The following MYLK variants were observed in gnomAD, a reference collection of about 807,000 sequenced individuals.
MYLK encodes the protein myosin light chain kinase.
MYLK carries 106 observed loss-of-function variants against 203.4 expected under a neutral mutation model. The observed-to-expected ratio is 0.52, with a 90% CI of 0.45 to 0.61. The LOEUF is 0.61. Among genes scored for constraint, MYLK ranks in the 20% least tolerant of loss-of-function variants. MYLK has a pLI of 0.00. For synonymous variants in MYLK, 867 were observed against 959.5 expected (o/e 0.90, Z 1.78); for missense variants, 2,072 against 2,442.3 (o/e 0.85, Z 3.20).
rs1052422934 is a variant in MYLK at position 123,657,211 on chromosome 3, C to T, written c.4203G>A (p.Lys1401=). 7 of 1,614,084 alleles carry T rather than the reference C, an allele frequency of 4.3e-6. No individual in the cohort carries two copies. The African/African-American group carries it at 9.3e-5, about 22-fold the overall frequency. The change falls in exon 24 of 34, where the codon AAG becomes AAA. Residue 1401 remains lysine (K), a synonymous_variant. Transcript: ENST00000360304. The part of the protein sequence containing the change: ...VQDLLPDHEY[K]FRVRAINVYG... Reference sequence around the variant, plus strand: ...ACACGTTGATTGCACGTACACGGAACTTATATTCGTGGTCAGGCAGCAGGT... The same window carrying T: ...ACACGTTGATTGCACGTACACGGAATTTATATTCGTGGTCAGGCAGCAGGT...
At chr3:123,662,538 A>G (rs930351386) in intron 23 of MYLK, among the ~76,000 whole-genome samples, 2 of 152,202 alleles carry the variant, frequency 1.3e-5, no homozygotes, top group Non-Finnish European at 2.9e-5. Flanking sequence ...ATGTCAGAGA[A>G]TAGAGTTGGG....
intron 20 of MYLK, among the ~76,000 whole-genome samples, chr3:123,679,376 G>A (rs1411177203): frequency 2.6e-5 from 4 of 151,800 alleles, no homozygotes; most frequent in Non-Finnish European, 5.9e-5. Context: ...CTTCTCAGGA[G>A]CTTCTCAGGA....
intron 3 of MYLK, among the ~76,000 whole-genome samples, chr3:123,800,727 C>T (rs1362019128): frequency 3.3e-5 from 5 of 152,106 alleles, no homozygotes; most frequent in Admixed American, 6.6e-5. Flanking sequence ...TGTGGACATC[C>T]GAATCGGCAA....
intron 4 of MYLK, among the ~76,000 whole-genome samples, chr3:123,754,760 G>T (rs144147923): frequency 6.6e-6 from 1 of 152,202 alleles, no homozygotes; most frequent in Non-Finnish European, 1.5e-5. Context: ...TTGCAAAACA[G>T]AAAAAAGAAT....
chr3:123,678,347 C>T (rs1052071144), intron 20 of MYLK, among the ~76,000 whole-genome samples: 1 of 152,102 alleles, frequency 6.6e-6, no homozygotes, highest in Admixed American at 6.5e-5. Context: ...AACCTGACCC[C>T]GTTTTCCTCA....
At chr3:123,831,901 A>G (rs1473155246) in intron 2 of MYLK, among the ~76,000 whole-genome samples, 1 of 152,234 alleles carries the variant, frequency 6.6e-6, no homozygotes, top group African/African-American at 2.4e-5. Context: ...CTTCCCCCAC[A>G]GAGGACAGAC....
chr3:123,832,444 G>A (rs1242773530), intron 2 of MYLK, among the ~76,000 whole-genome samples: 1 of 152,232 alleles, frequency 6.6e-6, no homozygotes, highest in Non-Finnish European at 1.5e-5. Flanking sequence ...TCCAGATGGT[G>A]TGTTAATTTG....
intron 3 of MYLK, among the ~76,000 whole-genome samples, chr3:123,826,665 C>A (rs1051521893): frequency 1.3e-5 from 2 of 152,222 alleles, no homozygotes; most frequent in Non-Finnish European, 2.9e-5. Context: ...ACCCAGCAAG[C>A]TAGACCCAAA....
intron 23 of MYLK, among the ~76,000 whole-genome samples, chr3:123,661,718 G>C (rs1014489556): frequency 2.6e-5 from 4 of 152,186 alleles, no homozygotes; most frequent in Non-Finnish European, 5.9e-5. Flanking sequence ...ACAAGGCCAG[G>C]GAGAGGAACA....
intron 4 of MYLK, among the ~76,000 whole-genome samples, chr3:123,765,088 C>T (rs1237144541): frequency 2.6e-5 from 4 of 152,182 alleles, no homozygotes; most frequent in East Asian, 1.9e-4. Context: ...TGGGCAAAGA[C>T]GTGGAGAAAT....
chr3:123,654,875 C>G (rs1028703486), intron 24 of MYLK, among the ~76,000 whole-genome samples: 2 of 152,000 alleles, frequency 1.3e-5, no homozygotes, highest in African/African-American at 4.8e-5. Flanking sequence ...TGCCACCATG[C>G]CCAGCTAATT....
chr3:123,721,480 C>A (rs1419727363), intron 13 of MYLK, among the ~76,000 whole-genome samples: 1 of 152,212 alleles, frequency 6.6e-6, no homozygotes, highest in Non-Finnish European at 1.5e-5. Context: ...CCTGCAGTTC[C>A]CGGGGACTAA....
rs149157654 is a variant in MYLK, at chr3:123,654,211, G to A, written c.4288+2915C>T. Among the ~76,000 whole-genome samples, 192 of 152,274 alleles carry A rather than the reference G, an allele frequency of 1.3e-3. 2 individuals carry two copies. Among genetic ancestry groups the A allele is most frequent in the African/African-American group, 4.5e-3 (186 of 41,554 alleles). ...TGACATGGCTCAACGGGTAAAGGCCGCCTGACACACAGCTGCTAGCATAAA... is the reference window on the plus strand; with the variant it reads ...TGACATGGCTCAACGGGTAAAGGCCACCTGACACACAGCTGCTAGCATAAA... On this transcript the variant is annotated intron_variant, in intron 24 of 33. Coordinates refer to ENST00000360304, the MANE Select transcript of MYLK (RefSeq NM_053025.4).
chr3:123,616,966 T>C (rs2057533868), intron 33 of MYLK: 1 of 152,116 alleles, frequency 6.6e-6, no homozygotes, highest in Non-Finnish European at 1.5e-5. Flanking sequence ...ACATAAGAAA[T>C]CAAGAATTCT....
At chr3:123,683,913 T>A (rs948948205) in intron 19 of MYLK, among the ~76,000 whole-genome samples, 1 of 152,020 alleles carries the variant, frequency 6.6e-6, no homozygotes, top group African/African-American at 2.4e-5. Context: ...TCCTGCCACC[T>A]CCCATACGGG....
At chr3:123,653,986 T>TG (rs2059306675) in intron 24 of MYLK, among the ~76,000 whole-genome samples, 111 of 137,758 alleles carry the variant, frequency 8.1e-4, no homozygotes, top group African/African-American at 2.5e-3. Flanking sequence ...CAGAGGGATG[T>TG]TGTGTGTGTG....
intron 3 of MYLK, among the ~76,000 whole-genome samples, chr3:123,817,441 T>TC (rs1221522779): frequency 6.6e-6 from 1 of 152,106 alleles, no homozygotes; most frequent in Non-Finnish European, 1.5e-5. Flanking sequence ...TGCCCAGGGT[T>TC]CCCCTCTGGG....
At chr3:123,633,118 T>C (rs1287247416) in intron 29 of MYLK, among the ~76,000 whole-genome samples, 1 of 150,528 alleles carries the variant, frequency 6.6e-6, no homozygotes, top group Non-Finnish European at 1.5e-5. Flanking sequence ...AAAATAGTCA[T>C]TATTATTATT....
chr3:123,884,186 C>T lies in MYLK; in HGVS notation c.-186+20G>A. 1 of 151,504 alleles carries T rather than the reference C, an allele frequency of 6.6e-6. No homozygotes were observed. The allele number at this position is 151,504 out of a possible 1,614,324, so 9.4% of individuals were successfully genotyped here. A position where few individuals can be genotyped will look rare whatever the true frequency, so the allele number is the denominator to read the frequency against. On this transcript the variant is annotated intron_variant, in intron 1 of 33. Coordinates refer to ENST00000360304, the MANE Select transcript of MYLK (RefSeq NM_053025.4). ...TCCAGGGCCCGCGCCTGGACAAAAG[C>T]ATGGGGCGGGCTCACTCACCCGCGC...
Sources: gnomAD v4.1 joint callset for allele counts (sites outside exome capture counted in the v4.1 genomes callset) on GRCh38, gnomAD v4.1.1 for gene constraint, MANE v1.5 for transcripts, NCBI Gene and HGNC (gene_info 2026-07-23, HGNC 2026-07-21) for gene names.